Variants in CTNNA3 observed in about 807,000 individuals in gnomAD.
CTNNA3 encodes catenin alpha 3, also known as catenin alpha-3.
CTNNA3 carries 76 observed loss-of-function variants against 95.7 expected under a neutral mutation model. That is an observed-to-expected ratio of 0.79 (90% confidence interval 0.66 to 0.96). The LOEUF (loss-of-function observed/expected upper bound fraction) is 0.96. Among genes scored for constraint, CTNNA3 ranks in the 40% least tolerant of loss-of-function variants. The pLI, the probability that CTNNA3 is intolerant of heterozygous loss-of-function variation, is 0.00. For synonymous variants in CTNNA3, 431 were observed against 374.4 expected (o/e 1.15, Z -1.74); for missense variants, 1,191 against 1,089.8 (o/e 1.09, Z -1.31).
At chr10:66,807,108 T>C (rs1841682601) in intron 7 of CTNNA3, among the ~76,000 whole-genome samples, 2 of 152,186 alleles carry the variant, frequency 1.3e-5, no homozygotes, top group South Asian at 4.1e-4. Context: ...TAGGTTGGTG[T>C]TTATCAATGA....
chr10:66,280,220 A>G (rs2091468588), intron 13 of CTNNA3, among the ~76,000 whole-genome samples: 1 of 152,052 alleles, frequency 6.6e-6, no homozygotes, highest in African/African-American at 2.4e-5. Flanking sequence ...TGCACCCAAC[A>G]AATCCTATCT....
chr10:66,585,169 T>C (rs1388200605), intron 10 of CTNNA3, among the ~76,000 whole-genome samples: 2 of 152,056 alleles, frequency 1.3e-5, no homozygotes, highest in Non-Finnish European at 2.9e-5. Flanking sequence ...TAGTGATGTT[T>C]TGTTTTTGCA....
chr10:67,259,700 C>T (rs903172726), intron 5 of CTNNA3, among the ~76,000 whole-genome samples: 4 of 152,194 alleles, frequency 2.6e-5, no homozygotes, highest in Non-Finnish European at 5.9e-5. Context: ...GCTTCTAACT[C>T]CCATGACCCT....
chr10:66,589,732 T>C (rs941288976), intron 10 of CTNNA3, among the ~76,000 whole-genome samples: 4 of 152,170 alleles, frequency 2.6e-5, no homozygotes, highest in South Asian at 4.1e-4. Flanking sequence ...CTAAAACATA[T>C]GATTTAACAT....
intron 1 of CTNNA3, among the ~76,000 whole-genome samples, chr10:67,728,389 G>GTT (rs1554879735): frequency 6.7e-6 from 1 of 148,890 alleles, no homozygotes; most frequent in African/African-American, 2.4e-5. Context: ...GGAGGTGGAG[G>GTT]TTATATATAT....
At chr10:67,175,728 A>C (rs1184664010) in intron 7 of CTNNA3, among the ~76,000 whole-genome samples, 1 of 152,150 alleles carries the variant, frequency 6.6e-6, no homozygotes, top group Non-Finnish European at 1.5e-5. Context: ...ATTATATGTC[A>C]CCTATCTAAC....
chr10:66,694,333 C>A (rs1847675946), intron 9 of CTNNA3, among the ~76,000 whole-genome samples: 1 of 152,058 alleles, frequency 6.6e-6, no homozygotes, highest in Non-Finnish European at 1.5e-5. Flanking sequence ...ACTACAAACA[C>A]CTCTATGCAA....
chr10:66,896,693 C>T (rs1916381), intron 7 of CTNNA3, among the ~76,000 whole-genome samples: 60,627 of 152,086 alleles, frequency 0.4, 12,389 homozygotes, highest in Non-Finnish European at 0.44. Context: ...TCACCAGTCA[C>T]GGCCTTCCTC....
At chr10:66,484,668 C>A (rs145699744) in intron 11 of CTNNA3, among the ~76,000 whole-genome samples, 1 of 152,018 alleles carries the variant, frequency 6.6e-6, no homozygotes, top group Non-Finnish European at 1.5e-5. Flanking sequence ...AACTGCAACT[C>A]CTTTAAATCA....
intron 9 of CTNNA3, among the ~76,000 whole-genome samples, chr10:66,748,082 T>C (rs1838961172): frequency 6.6e-6 from 1 of 152,152 alleles, no homozygotes; most frequent in South Asian, 2.1e-4. Flanking sequence ...GCTCATCGAC[T>C]CTGGCATCAA....
chr10:66,278,381 T>A (rs1270594023), intron 13 of CTNNA3, among the ~76,000 whole-genome samples: 1 of 151,608 alleles, frequency 6.6e-6, no homozygotes, highest in Admixed American at 6.6e-5. Flanking sequence ...TTGTTGAAAA[T>A]TAAATAAAGA....
chr10:66,478,993 A>G (rs1331760032), intron 11 of CTNNA3, among the ~76,000 whole-genome samples: 5 of 151,868 alleles, frequency 3.3e-5, no homozygotes, highest in African/African-American at 1.2e-4. Context: ...ACCCAAGGTC[A>G]TAAAGATATT....
chr10:67,246,549 T>A (rs913401898), intron 5 of CTNNA3, among the ~76,000 whole-genome samples: 1 of 152,140 alleles, frequency 6.6e-6, no homozygotes, highest in Non-Finnish European at 1.5e-5. Flanking sequence ...GTTGACTTTA[T>A]GACTAAACAT....
chr10:66,768,740 A>G (rs954197372), intron 8 of CTNNA3, among the ~76,000 whole-genome samples: 1 of 151,770 alleles, frequency 6.6e-6, no homozygotes, highest in Non-Finnish European at 1.5e-5. Context: ...ATATTACAAT[A>G]ATACATTAAA....
intron 7 of CTNNA3, among the ~76,000 whole-genome samples, chr10:67,124,321 G>C (rs1244846377): frequency 6.9e-6 from 1 of 143,934 alleles, no homozygotes; most frequent in African/African-American, 2.6e-5. Context: ...CTGCGTGTAG[G>C]GGTGTGTTAG....
intron 13 of CTNNA3, among the ~76,000 whole-genome samples, chr10:66,121,314 T>C (rs980274647): frequency 4.6e-5 from 7 of 152,218 alleles, no homozygotes; most frequent in African/African-American, 1.7e-4. Context: ...TGCTTATAAA[T>C]CTCTTTACCT....
chr10:66,226,536 G>A (rs919637494), intron 13 of CTNNA3, among the ~76,000 whole-genome samples: 2 of 148,028 alleles, frequency 1.4e-5, no homozygotes, highest in Admixed American at 1.3e-4. Context: ...GTTATTTGAG[G>A]TCTTTCGTGG....
chr10:67,540,465 G>C (rs1160143949), intron 3 of CTNNA3, among the ~76,000 whole-genome samples: 1 of 151,734 alleles, frequency 6.6e-6, no homozygotes, highest in Non-Finnish European at 1.5e-5. Flanking sequence ...AGAACATCAA[G>C]TAAAAATTTT....
At chr10:66,453,621 C>T (rs555970541) in intron 11 of CTNNA3, among the ~76,000 whole-genome samples, 2 of 152,196 alleles carry the variant, frequency 1.3e-5, no homozygotes, top group Non-Finnish European at 2.9e-5. Flanking sequence ...ATCGAAGGAA[C>T]AGACCACCTC....
Sources: allele counts gnomAD v4.1 joint callset (sites outside exome capture counted in the v4.1 genomes callset), GRCh38; gene constraint gnomAD v4.1.1; transcripts MANE v1.5; gene names NCBI Gene and HGNC (gene_info 2026-07-23, HGNC 2026-07-21).